ANKIB1: variants seen among roughly 807,000 people sequenced by gnomAD.
ANKIB1 encodes ankyrin repeat and IBR domain containing 1.
A neutral mutation model predicts 122.1 loss-of-function variants in ANKIB1; 43 were observed. The observed-to-expected ratio is 0.35, with a 90% CI of 0.28 to 0.45. The LOEUF (loss-of-function observed/expected upper bound fraction) is 0.45. Among genes scored for constraint, ANKIB1 ranks in the 20% least tolerant of loss-of-function variants. The pLI is 1.00. For synonymous variants in ANKIB1, 390 were observed against 442.0 expected (o/e 0.88, Z 1.48); for missense variants, 992 against 1,329.5 (o/e 0.75, Z 3.95).
chr7:92,359,372 TCATC>T (rs1304885430), intron 9 of ANKIB1, among the ~76,000 whole-genome samples: 2 of 152,236 alleles, frequency 1.3e-5, no homozygotes, highest in African/African-American at 4.8e-5. Flanking sequence ...GTTTCCAGCT[TCATC>T]CACATCCCTG....
chr7:92,319,429 A>G lies in ANKIB1; in HGVS notation c.586A>G (p.Asn196Asp), dbSNP rs1802858657. 2 of 1,613,498 alleles carry G rather than the reference A, an allele frequency of 1.2e-6. No homozygotes were observed. Among genetic ancestry groups the G allele is most frequent in the African/African-American group, 1.3e-5 (1 of 74,886 alleles). Residue 196 changes from asparagine to aspartate, a missense_variant, in exon 4 of 20, where the codon AAT becomes GAT. Transcript: ENST00000265742. ...GCAACACCACAAAGATTTGGCCCTC[A>G]ATCTGGAATCTCAAATGGTATTCTC... ...EKQHHKDLAL[N>D]LESQMVFSRD...
rs1246739003 is a variant in ANKIB1 at position 92,386,631 on chromosome 7, A to G, written c.1740A>G (p.Glu580=). The G allele has an allele frequency of 6.2e-7, 1 of 1,602,440 alleles. No individual in the cohort carries two copies. The highest frequency in any genetic ancestry group is 8.5e-7 in the Non-Finnish European group (1 of 1,174,954). ...VIQHVEEQSK[E]MTVEAEKKHK... ...AACACGTGGAGGAGCAATCCAAGGA[A>G]ATGACTGTGGAGGTAAAGAGAACCA... Residue 580 remains glutamate, a synonymous_variant, in exon 12 of 20, where the codon GAA becomes GAG. Transcript: ENST00000265742.
intron 1 of ANKIB1, among the ~76,000 whole-genome samples, chr7:92,293,832 T>A (rs1400372187): frequency 1.3e-5 from 2 of 152,230 alleles, no homozygotes; most frequent in African/African-American, 4.8e-5. Flanking sequence ...TATGCTGTTT[T>A]CTTTGTCACT....
At chr7:92,274,717 C>T (rs1801865293) in intron 1 of ANKIB1, among the ~76,000 whole-genome samples, 3 of 152,056 alleles carry the variant, frequency 2.0e-5, no homozygotes, top group South Asian at 2.1e-4. Context: ...GAGGCCAAGG[C>T]GGGAAGATCA....
chr7:92,397,814 T>C lies in ANKIB1; in HGVS notation c.2487T>C (p.Arg829=). 6.2e-7 allele frequency: 1 copy of C among 1,607,912 alleles called. No homozygotes were observed. Residue 829 remains arginine, a synonymous_variant, in exon 19 of 20, where the codon CGT becomes CGC. Coordinates refer to ENST00000265742, the MANE Select transcript of ANKIB1 (RefSeq NM_019004.2). The stretch of plus-strand genomic sequence containing the variant: ...GTGTGCTGCACAGCTCTTCCCTGCG[T>C]GACTACACCCCTGCCAGTCGCTCTG... ...SMSVLHSSSL[R]DYTPASRSEN... is the part of the protein sequence containing the mutation.
chr7:92,363,256 A>C (rs1803991917), intron 10 of ANKIB1, among the ~76,000 whole-genome samples: 1 of 151,942 alleles, frequency 6.6e-6, no homozygotes, highest in African/African-American at 2.4e-5. Flanking sequence ...ACTAAAAATA[A>C]AAAAATTAGC....
chr7:92,357,279 G>T (rs1172411244), intron 9 of ANKIB1, among the ~76,000 whole-genome samples: 1 of 151,940 alleles, frequency 6.6e-6, no homozygotes, highest in African/African-American at 2.4e-5. Flanking sequence ...TTTTTTACCT[G>T]AATAAACCCA....
chr7:92,360,966 G>A (rs1405248135), intron 9 of ANKIB1, among the ~76,000 whole-genome samples: 1 of 152,070 alleles, frequency 6.6e-6, no homozygotes, highest in Non-Finnish European at 1.5e-5. Context: ...CCAGACTCAA[G>A]TGATCCTCCT....
chr7:92,297,826 T>C (rs1463043381), intron 2 of ANKIB1, among the ~76,000 whole-genome samples: 1 of 152,202 alleles, frequency 6.6e-6, no homozygotes, highest in Non-Finnish European at 1.5e-5. Flanking sequence ...TCTGGCTTCA[T>C]TCTACTCAGT....
chr7:92,354,828 A>G (rs974584317), intron 9 of ANKIB1, among the ~76,000 whole-genome samples: 2 of 152,164 alleles, frequency 1.3e-5, no homozygotes, highest in African/African-American at 4.8e-5. Flanking sequence ...GTTCACGCAA[A>G]AAGACGCTTT....
intron 10 of ANKIB1, among the ~76,000 whole-genome samples, chr7:92,366,085 G>GATTACAGAT (rs1323128842): frequency 6.6e-6 from 1 of 152,044 alleles, no homozygotes; most frequent in Non-Finnish European, 1.5e-5. Flanking sequence ...ATAATCTTAA[G>GATTACAGAT]TAGTAAATCT....
At chr7:92,339,017 G>A in intron 5 of ANKIB1, among the ~76,000 whole-genome samples, 1 of 107,962 alleles carries the variant, frequency 9.3e-6, no homozygotes, top group African/African-American at 3.5e-5. Flanking sequence ...AAGGACACAA[G>A]AATTAATTTC....
chr7:92,319,042 T>G (rs1802851001), intron 3 of ANKIB1, among the ~76,000 whole-genome samples: 1 of 152,168 alleles, frequency 6.6e-6, no homozygotes, highest in African/African-American at 2.4e-5. Flanking sequence ...ATTTTTGGAC[T>G]ACACAAAATG....
intron 1 of ANKIB1, among the ~76,000 whole-genome samples, chr7:92,260,431 A>T (rs1008012062): frequency 2.0e-5 from 3 of 152,142 alleles, no homozygotes; most frequent in African/African-American, 7.2e-5. Flanking sequence ...TAATCCCAAC[A>T]CTTTGGGAGG....
chr7:92,247,479 T>C (rs1003202595), intron 1 of ANKIB1, among the ~76,000 whole-genome samples: 10 of 152,220 alleles, frequency 6.6e-5, no homozygotes, highest in Non-Finnish European at 4.4e-5. Flanking sequence ...AAATCTTTTT[T>C]TGTATCAGCC....
intron 11 of ANKIB1, among the ~76,000 whole-genome samples, chr7:92,381,459 A>G (rs1261885730): frequency 6.6e-6 from 1 of 152,198 alleles, no homozygotes; most frequent in African/African-American, 2.4e-5. Context: ...CAATGTTGAA[A>G]TGGAGGAAAA....
At chr7:92,361,808 T>G (rs1010279607) in intron 9 of ANKIB1, among the ~76,000 whole-genome samples, 1 of 151,832 alleles carries the variant, frequency 6.6e-6, no homozygotes, top group African/African-American at 2.4e-5. Context: ...TACTTTCTAC[T>G]TTTTTTGTTT....
chr7:92,294,773 A>G (rs190657795), intron 1 of ANKIB1, 116 bp from the exon 2 acceptor site: 62 of 462,348 alleles, frequency 1.3e-4, no homozygotes, highest in Admixed American at 1.2e-3. Flanking sequence ...AAAATGTAAT[A>G]TAGTTGGTTC....
chr7:92,259,618 T>A (rs1406021708), intron 1 of ANKIB1, among the ~76,000 whole-genome samples: 1 of 152,228 alleles, frequency 6.6e-6, no homozygotes, highest in Non-Finnish European at 1.5e-5. Flanking sequence ...AATTGTCAAC[T>A]TCCAGGTTGT....
Sources: allele counts gnomAD v4.1 joint callset (sites outside exome capture counted in the v4.1 genomes callset), GRCh38; gene constraint gnomAD v4.1.1; transcripts MANE v1.5; gene names NCBI Gene and HGNC (gene_info 2026-07-23, HGNC 2026-07-21).